SGCD: variants seen among roughly 807,000 people sequenced by gnomAD.
SGCD encodes sarcoglycan delta, also known as delta-sarcoglycan.
SGCD carries 18 observed loss-of-function variants against 36.6 expected under a neutral mutation model. That is an observed-to-expected ratio of 0.49 (90% CI 0.34 to 0.73). The LOEUF (loss-of-function observed/expected upper bound fraction) is 0.73, where lower values mean the gene tolerates loss of function less well. Among genes scored for constraint, SGCD ranks in the 30% least tolerant of loss-of-function variants. The pLI is 0.01. For missense variants in SGCD, 387 were observed against 346.7 expected (o/e 1.12, Z -0.92); for synonymous variants, 133 against 130.6 (o/e 1.02, Z -0.12).
chr5:156,124,104 C>G (rs1389371120), intron 3 of SGCD: 1 of 152,190 alleles, frequency 6.6e-6, no homozygotes, highest in African/African-American at 2.4e-5. Context: ...TTCTCCTCCC[C>G]CTTTCCCTGA....
intron 3 of SGCD, among the ~76,000 whole-genome samples, chr5:156,456,040 TGAAA>T (rs1338413628): frequency 5.3e-5 from 8 of 152,126 alleles, no homozygotes; most frequent in African/African-American, 1.9e-4. Flanking sequence ...CCCAAAACTG[TGAAA>T]GAATCCATTT....
intron 3 of SGCD, among the ~76,000 whole-genome samples, chr5:156,440,234 C>A (rs796976038): frequency 9.2e-5 from 14 of 152,246 alleles, no homozygotes; most frequent in Non-Finnish European, 1.2e-4. Context: ...TGAAATCATA[C>A]AACATTTGGC....
At chr5:156,589,962 A>G (rs1760656892) in intron 5 of SGCD, among the ~76,000 whole-genome samples, 1 of 152,210 alleles carries the variant, frequency 6.6e-6, no homozygotes, top group Non-Finnish European at 1.5e-5. Context: ...TTATAATGAT[A>G]AACATGGACC....
the SGCD span, among the ~76,000 whole-genome samples, chr5:155,770,776 C>T: frequency 1.3e-5 from 2 of 152,086 alleles, no homozygotes; most frequent in East Asian, 3.9e-4. Flanking sequence ...CACATGTCAG[C>T]ATGGTATGAA....
chr5:155,783,793 CT>C, the SGCD span, among the ~76,000 whole-genome samples: 13 of 152,260 alleles, frequency 8.5e-5, no homozygotes, highest in East Asian at 2.5e-3. Context: ...ATTCTCTTCC[CT>C]TTGTGGAAAT....
At chr5:156,325,586 G>T (rs1189409403), upstream of SGCD, among the ~76,000 whole-genome samples, 1 of 152,138 alleles carries the variant, frequency 6.6e-6, no homozygotes, top group African/African-American at 2.4e-5. Flanking sequence ...AAGGCTAGAT[G>T]ATATCACCTT....
chr5:156,647,870 G>T (rs953440261), intron 7 of SGCD, among the ~76,000 whole-genome samples: 1 of 152,108 alleles, frequency 6.6e-6, no homozygotes, highest in Non-Finnish European at 1.5e-5. Flanking sequence ...AAAGAAAAAT[G>T]ATATCTAAAA....
intron 7 of SGCD, among the ~76,000 whole-genome samples, chr5:156,740,915 A>G (rs1469914950): frequency 6.6e-6 from 1 of 152,146 alleles, no homozygotes; most frequent in Non-Finnish European, 1.5e-5. Context: ...CACCAACTTT[A>G]TACCTTCCCA....
intron 1 of SGCD, among the ~76,000 whole-genome samples, chr5:156,006,933 T>C (rs1206294172): frequency 6.6e-6 from 1 of 152,224 alleles, no homozygotes; most frequent in Admixed American, 6.5e-5. Flanking sequence ...CTCCCTTCTT[T>C]GTTTCACCAA....
At chr5:156,701,202 G>A (rs576894058) in intron 7 of SGCD, among the ~76,000 whole-genome samples, 1 of 152,092 alleles carries the variant, frequency 6.6e-6, no homozygotes, top group African/African-American at 2.4e-5. Flanking sequence ...TAGAACTTCT[G>A]TTTTTTCTAC....
intron 1 of SGCD, among the ~76,000 whole-genome samples, chr5:155,878,527 A>G (rs1432721): frequency 0.42 from 64,168 of 151,798 alleles, 15,375 homozygotes; most frequent in African/African-American, 0.64. Flanking sequence ...TTGGGTCACG[A>G]GTCTAAGCCT....
the SGCD span, among the ~76,000 whole-genome samples, chr5:155,862,784 A>C: frequency 6.6e-6 from 1 of 152,202 alleles, no homozygotes; most frequent in Non-Finnish European, 1.5e-5. Context: ...AGGTTAAATA[A>C]CTTGTCCACA....
intron 7 of SGCD, among the ~76,000 whole-genome samples, chr5:156,713,201 A>C (rs750816617): frequency 2.0e-5 from 3 of 152,088 alleles, no homozygotes; most frequent in Non-Finnish European, 2.9e-5. Flanking sequence ...TTCCTTCCCT[A>C]CCCATCAGTG....
intron 3 of SGCD, among the ~76,000 whole-genome samples, chr5:156,242,716 C>T (rs1182830204): frequency 9.9e-5 from 15 of 152,144 alleles, no homozygotes; most frequent in Admixed American, 9.8e-4. Flanking sequence ...CAAGAGGGCA[C>T]CCTTGTAGGC....
intron 1 of SGCD, among the ~76,000 whole-genome samples, chr5:155,890,069 T>C (rs1437550107): frequency 1.3e-5 from 2 of 151,954 alleles, no homozygotes; most frequent in South Asian, 2.1e-4. Context: ...TTCTGACTCA[T>C]GGTTGACACA....
At chr5:156,383,390 G>A (rs1222822103) in intron 3 of SGCD, among the ~76,000 whole-genome samples, 1 of 152,134 alleles carries the variant, frequency 6.6e-6, no homozygotes, top group Non-Finnish European at 1.5e-5. Context: ...GTTAGTCCCA[G>A]CTACTCCAGA....
At chr5:156,481,129 G>A (rs1332543622) in intron 3 of SGCD, among the ~76,000 whole-genome samples, 3 of 152,072 alleles carry the variant, frequency 2.0e-5, no homozygotes, top group East Asian at 1.9e-4. Context: ...TAATTAATAC[G>A]GTATAAAAGC....
At chr5:156,684,749 A>T (rs1753845995) in intron 7 of SGCD, among the ~76,000 whole-genome samples, 2 of 152,242 alleles carry the variant, frequency 1.3e-5, no homozygotes, top group South Asian at 4.1e-4. Context: ...GTATCCACTG[A>T]ATGAATAACA....
At chr5:155,895,110 G>A (rs1756218768) in intron 1 of SGCD, among the ~76,000 whole-genome samples, 1 of 152,238 alleles carries the variant, frequency 6.6e-6, no homozygotes, top group Non-Finnish European at 1.5e-5. Context: ...GAGGGATACA[G>A]CTACAGGGGC....
Sources: allele counts gnomAD v4.1 joint callset (sites outside exome capture counted in the v4.1 genomes callset), GRCh38; gene constraint gnomAD v4.1.1; transcripts MANE v1.5; gene names NCBI Gene and HGNC (gene_info 2026-07-23, HGNC 2026-07-21).